Variants in MACROD2 observed in about 807,000 individuals in gnomAD.
MACROD2 encodes mono-ADP ribosylhydrolase 2.
MACROD2 carries 36 observed loss-of-function variants against 70.4 expected under a neutral mutation model. The ratio of observed to expected loss-of-function variants is 0.51; its 90% confidence interval spans 0.39 to 0.68. MACROD2 has a LOEUF of 0.68. Ranked by LOEUF, MACROD2 falls within the 30% of genes least tolerant of loss-of-function variation. MACROD2 has a pLI of 0.00. For synonymous variants in MACROD2, 172 were observed against 178.8 expected (o/e 0.96, Z 0.30); for missense variants, 496 against 538.4 (o/e 0.92, Z 0.78).
intron 3 of MACROD2, among the ~76,000 whole-genome samples, chr20:14,108,493 T>G (rs962110881): frequency 6.8e-6 from 1 of 147,082 alleles, no homozygotes; most frequent in African/African-American, 2.5e-5. Flanking sequence ...AAAAAAAAGC[T>G]AGACCCAATG....
chr20:14,367,755 A>G (rs544675372), intron 3 of MACROD2, among the ~76,000 whole-genome samples: 52 of 47,830 alleles, frequency 1.1e-3, no homozygotes, highest in Admixed American at 2.0e-3. Flanking sequence ...AGATCTCTTT[A>G]CAGTTATTCG....
chr20:15,032,598 C>T (rs1425044538), intron 5 of MACROD2, among the ~76,000 whole-genome samples: 1 of 152,220 alleles, frequency 6.6e-6, no homozygotes, highest in Admixed American at 6.5e-5. Context: ...CAATTTTTGA[C>T]CGTCACTCTA....
Position 14,678,870 on chromosome 20 carries a change from A to G in MACROD2, c.302-5973A>G, listed in dbSNP as rs6110386. 3.8e-3 allele frequency among the ~76,000 whole-genome samples: 580 copies of G among 152,258 alleles called. 3 individuals are homozygous for G. Among genetic ancestry groups the G allele is most frequent in the African/African-American group, 0.013 (528 of 41,558 alleles). On this transcript the variant is annotated intron_variant, in intron 4 of 17. Coordinates refer to ENST00000684519, the MANE Select transcript of MACROD2 (RefSeq NM_001351661.2). Reference sequence around the variant, plus strand: ...CCTCATCACCAGATTTGTGATGACAACACTAGCTGTGTATTTGACTTTACT... The same window carrying G: ...CCTCATCACCAGATTTGTGATGACAGCACTAGCTGTGTATTTGACTTTACT...
chr20:14,456,596 A>G (rs898596672), intron 3 of MACROD2, among the ~76,000 whole-genome samples: 15 of 151,736 alleles, frequency 9.9e-5, no homozygotes, highest in African/African-American at 3.4e-4. Flanking sequence ...CAGACTATAG[A>G]TTAAAGGGAA....
At chr20:14,111,728 T>C (rs938665451) in intron 3 of MACROD2, among the ~76,000 whole-genome samples, 1 of 151,946 alleles carries the variant, frequency 6.6e-6, no homozygotes, top group African/African-American at 2.4e-5. Context: ...GGAGAGGATA[T>C]GGAGAAAAGG....
intron 6 of MACROD2, among the ~76,000 whole-genome samples, chr20:15,378,521 T>G (rs1403428567): frequency 7.9e-5 from 12 of 152,206 alleles, no homozygotes; most frequent in Non-Finnish European, 1.6e-4. Context: ...ATTTATATGT[T>G]ATGTTATGCA....
At chr20:15,650,923 C>T (rs1333520314) in intron 8 of MACROD2, among the ~76,000 whole-genome samples, 2 of 152,168 alleles carry the variant, frequency 1.3e-5, no homozygotes, top group Non-Finnish European at 1.5e-5. Context: ...TCTTCTTATC[C>T]TTATGGAACT....
intron 6 of MACROD2, among the ~76,000 whole-genome samples, chr20:15,358,139 A>G (rs905499788): frequency 6.6e-6 from 1 of 152,144 alleles, no homozygotes; most frequent in African/African-American, 2.4e-5. Context: ...TCATTCAGCT[A>G]ATTCAAAATG....
chr20:14,550,968 T>C (rs1978613932), intron 4 of MACROD2, among the ~76,000 whole-genome samples: 1 of 152,158 alleles, frequency 6.6e-6, no homozygotes, highest in Admixed American at 6.5e-5. Flanking sequence ...CATTATTTTT[T>C]GAACTGCTTA....
chr20:15,987,195 G>A (rs750980913), intron 15 of MACROD2, 37 bp downstream of exon 15: 1 of 1,484,104 alleles, frequency 6.7e-7, no homozygotes, highest in African/African-American at 1.4e-5. Flanking sequence ...CAAGAATGGA[G>A]AGTTTCTTTG....
chr20:14,242,109 C>A (rs1338087111), intron 3 of MACROD2, among the ~76,000 whole-genome samples: 1 of 152,036 alleles, frequency 6.6e-6, no homozygotes, highest in Admixed American at 6.6e-5. Flanking sequence ...TTTGGATGTT[C>A]TCTGTTCATT....
chr20:16,007,525 T>C (rs911491259), intron 15 of MACROD2, among the ~76,000 whole-genome samples: 2 of 152,218 alleles, frequency 1.3e-5, no homozygotes. Flanking sequence ...ACCACGGCCA[T>C]GGTGCTATGG....
At chr20:15,793,492 A>C (rs1013518569) in intron 8 of MACROD2, among the ~76,000 whole-genome samples, 3 of 152,150 alleles carry the variant, frequency 2.0e-5, no homozygotes, top group Admixed American at 6.6e-5. Flanking sequence ...CAAAAGCAGC[A>C]ATCTGAATTG....
At chr20:15,152,876 A>T (rs1270779372) in intron 5 of MACROD2, among the ~76,000 whole-genome samples, 2 of 152,056 alleles carry the variant, frequency 1.3e-5, no homozygotes, top group East Asian at 3.9e-4. Context: ...CTTTGTCTCT[A>T]CCAGAAAATG....
At chr20:14,774,684 G>A (rs535054786) in intron 5 of MACROD2, among the ~76,000 whole-genome samples, 2 of 152,144 alleles carry the variant, frequency 1.3e-5, no homozygotes, top group Admixed American at 6.5e-5. Flanking sequence ...ATACTTAAGA[G>A]TTTATTAACC....
chr20:16,001,974 G>A (rs759866065), intron 15 of MACROD2, among the ~76,000 whole-genome samples: 13 of 151,326 alleles, frequency 8.6e-5, no homozygotes, highest in Admixed American at 2.0e-4. Context: ...TAAAACTTGC[G>A]TAACATCTAG....
At chr20:14,951,443 G>A (rs910501230) in intron 5 of MACROD2, among the ~76,000 whole-genome samples, 1 of 152,204 alleles carries the variant, frequency 6.6e-6, no homozygotes, top group Admixed American at 6.5e-5. Context: ...GCACTCTATT[G>A]AGAAGTATTC....
intron 7 of MACROD2, among the ~76,000 whole-genome samples, chr20:15,481,949 G>A (rs2047103740): frequency 6.6e-6 from 1 of 152,100 alleles, no homozygotes; most frequent in Admixed American, 6.6e-5. Flanking sequence ...AGTCTTTACG[G>A]GATTGTTAGA....
At chr20:14,921,846 A>C (rs1053132734) in intron 5 of MACROD2, among the ~76,000 whole-genome samples, 1 of 152,238 alleles carries the variant, frequency 6.6e-6, no homozygotes, top group African/African-American at 2.4e-5. Context: ...TTAGCATGTA[A>C]TGTGCACTAC....
Sources: gnomAD v4.1 joint callset for allele counts (sites outside exome capture counted in the v4.1 genomes callset) on GRCh38, gnomAD v4.1.1 for gene constraint, MANE v1.5 for transcripts, NCBI Gene and HGNC (gene_info 2026-07-23, HGNC 2026-07-21) for gene names.